Variants in MYOCD observed in about 807,000 individuals in gnomAD.
MYOCD encodes the protein myocardin.
A neutral mutation model predicts 96.1 loss-of-function variants in MYOCD; 32 were observed. The observed-to-expected ratio is 0.33, with a 90% confidence interval of 0.25 to 0.45. The LOEUF (loss-of-function observed/expected upper bound fraction) is 0.45. Among genes scored for constraint, MYOCD ranks in the 20% least tolerant of loss-of-function variants. The probability of loss-of-function intolerance (pLI) is 1.00; values close to 1 mark genes in which losing one functional copy is unlikely to be tolerated. For missense variants in MYOCD, 1,133 were observed against 1,200.6 expected, an observed-to-expected ratio of 0.94 and a Z score of 0.83; for synonymous variants, 469 against 469.0, an observed-to-expected ratio of 1.00 and a Z score of 0.00.
chr17:12,709,279 G>T (rs1029633062), intron 2 of MYOCD, among the ~76,000 whole-genome samples: 6 of 152,226 alleles, frequency 3.9e-5, no homozygotes, highest in African/African-American at 2.4e-5. Flanking sequence ...GTAATAAACA[G>T]TGGTTAGCAA....
At chr17:12,675,281 T>C (rs1468702210) in intron 1 of MYOCD, among the ~76,000 whole-genome samples, 1 of 152,212 alleles carries the variant, frequency 6.6e-6, no homozygotes, top group Non-Finnish European at 1.5e-5. Context: ...ACCTATCGTG[T>C]TGGTGAGCTA....
chr17:12,668,264 T>C (rs1198248161), intron 1 of MYOCD, among the ~76,000 whole-genome samples: 1 of 151,728 alleles, frequency 6.6e-6, no homozygotes, highest in African/African-American at 2.4e-5. Context: ...CTTCTTCTCC[T>C]CCTTCTCTTT....
At chr17:12,737,792 C>T (rs1201505713) in intron 6 of MYOCD, among the ~76,000 whole-genome samples, 1 of 152,136 alleles carries the variant, frequency 6.6e-6, no homozygotes, top group Non-Finnish European at 1.5e-5. Flanking sequence ...TTCCCAAAAC[C>T]ATGCCAGTTA....
At chr17:12,710,723 G>T (rs1335229714) in intron 2 of MYOCD, among the ~76,000 whole-genome samples, 1 of 152,064 alleles carries the variant, frequency 6.6e-6, no homozygotes, top group Non-Finnish European at 1.5e-5. Context: ...ACACACTGTC[G>T]GCTGTCTGAG....
In MYOCD at chr17:12,669,114, A is replaced by G. The variant is rs1318031417; in HGVS notation, c.55+2871A>G. Among the ~76,000 whole-genome samples, 18 of 152,190 alleles carry G rather than the reference A, an allele frequency of 1.2e-4. 1 individual carries two copies. Among genetic ancestry groups the G allele is most frequent in the Admixed American group, 1.2e-3 (18 of 15,286 alleles). ...TAGTAATTTGTGCTGATTTTAAACT[A>G]ATCACATTTTTACAGTTTTTAATCT... is the stretch of plus-strand genomic sequence containing the variant. On this transcript the variant is annotated intron_variant, in intron 1 of 13. Transcript: ENST00000425538.
intron 1 of MYOCD, among the ~76,000 whole-genome samples, chr17:12,669,178 T>C (rs1909540061): frequency 1.3e-5 from 2 of 152,358 alleles, no homozygotes; most frequent in Non-Finnish European, 1.5e-5. Context: ...AGTGTCACTA[T>C]CAACAGTTCT....
In MYOCD at chr17:12,736,241, C is replaced by G. The variant is rs771925728; in HGVS notation, c.496C>G (p.Gln166Glu). ...DSSSDGLSPD[Q>E]TRSEDPQNSA... ...CAGCAGCGATGGGCTTTCTCCGGATCAGACTCGAAGTGAAGACCCCCAAAA... is the reference window on the plus strand; with the variant it reads ...CAGCAGCGATGGGCTTTCTCCGGATGAGACTCGAAGTGAAGACCCCCAAAA... The change falls in exon 6 of 14, where the codon CAG becomes GAG. Residue 166 changes from glutamine (Q) to glutamate (E), a missense_variant. Transcript: ENST00000425538. The G allele has an allele frequency of 6.2e-7, 1 of 1,614,232 alleles. No individual in the cohort carries two copies. The highest frequency in any genetic ancestry group is 8.5e-7 in the Non-Finnish European group (1 of 1,180,044).
At chr17:12,675,054 G>A (rs1270853480) in intron 1 of MYOCD, among the ~76,000 whole-genome samples, 1 of 151,988 alleles carries the variant, frequency 6.6e-6, no homozygotes, top group East Asian at 1.9e-4. Flanking sequence ...TTATTAAAAG[G>A]ACTTATATGA....
intron 1 of MYOCD, among the ~76,000 whole-genome samples, chr17:12,671,236 C>A (rs770867391): frequency 5.3e-5 from 8 of 152,000 alleles, no homozygotes; most frequent in Non-Finnish European, 8.8e-5. Flanking sequence ...GAGAAGGAAC[C>A]CATTAAATAT....
At chr17:12,732,243 G>A (rs73977963) in intron 5 of MYOCD, among the ~76,000 whole-genome samples, 1 of 152,078 alleles carries the variant, frequency 6.6e-6, no homozygotes, top group Non-Finnish European at 1.5e-5. Context: ...CCAGGGGTTG[G>A]CTCCTAAAAT....
chr17:12,762,887 A>G (rs2033219976), intron 13 of MYOCD, 186 bp from the exon 14 acceptor site: 1 of 581,640 alleles, frequency 1.7e-6, no homozygotes, highest in Admixed American at 3.2e-5. Flanking sequence ...CCAAGAGGAA[A>G]GGGTTTGGGA....
intron 5 of MYOCD, among the ~76,000 whole-genome samples, chr17:12,733,008 A>G (rs751254133): frequency 6.6e-6 from 1 of 152,162 alleles, no homozygotes; most frequent in Non-Finnish European, 1.5e-5. Context: ...GCCTTAGCAT[A>G]TGACCTATGT....
At chr17:12,732,288 A>T (rs1459094910) in intron 5 of MYOCD, among the ~76,000 whole-genome samples, 2 of 151,982 alleles carry the variant, frequency 1.3e-5, no homozygotes, top group African/African-American at 4.8e-5. Context: ...CTTCTTTGTC[A>T]TCCTCCCCAA....
intron 6 of MYOCD, 23 bp downstream of exon 6, chr17:12,736,359 GA>G: frequency 1.2e-6 from 2 of 1,604,872 alleles, no homozygotes; most frequent in Non-Finnish European, 1.7e-6. Context: ...ACAAACAAAC[GA>G]AAAAAGTAAA....
At chr17:12,714,844 G>A (rs1399719193) in intron 2 of MYOCD, among the ~76,000 whole-genome samples, 1 of 152,098 alleles carries the variant, frequency 6.6e-6, no homozygotes, top group African/African-American at 2.4e-5. Flanking sequence ...CTTGAAAGAG[G>A]TTAGAGTTGT....
intron 7 of MYOCD, 44 bp from the exon 8 acceptor site, chr17:12,744,139 A>C: frequency 6.3e-7 from 1 of 1,588,028 alleles, no homozygotes; most frequent in Non-Finnish European, 8.6e-7. Flanking sequence ...AATCATTCTC[A>C]GCCATCACCT....
chr17:12,734,900 C>CG (rs34428727), intron 5 of MYOCD, among the ~76,000 whole-genome samples: 17,455 of 74,522 alleles, frequency 0.23, 1,103 homozygotes, highest in Non-Finnish European at 0.3. Context: ...TTATAAATAA[C>CG]CTTGGAGCAG....
intron 8 of MYOCD, 68 bp from the exon 9 acceptor site, chr17:12,745,851 C>A: frequency 6.5e-7 from 1 of 1,538,202 alleles, no homozygotes; most frequent in Non-Finnish European, 8.9e-7. Flanking sequence ...CTTTGGGATC[C>A]GATCTAAATG....
chr17:12,668,323 C>T (rs1203521093), intron 1 of MYOCD, among the ~76,000 whole-genome samples: 7 of 152,132 alleles, frequency 4.6e-5, no homozygotes, highest in African/African-American at 7.2e-5. Context: ...TATCTCACTG[C>T]GAATATTTGC....
Sources: allele counts gnomAD v4.1 joint callset (sites outside exome capture counted in the v4.1 genomes callset), GRCh38; gene constraint gnomAD v4.1.1; transcripts MANE v1.5; gene names NCBI Gene and HGNC (gene_info 2026-07-23, HGNC 2026-07-21).